SPRED2: variants seen among roughly 807,000 people sequenced by gnomAD.
The protein encoded by SPRED2 is sprouty-related, EVH1 domain-containing protein 2.
Under a neutral mutation model 43.0 loss-of-function variants are expected in SPRED2, and 47 were observed. The ratio of observed to expected loss-of-function variants is 1.09; its 90% CI spans 0.87 to 1.40. The LOEUF (loss-of-function observed/expected upper bound fraction) is 1.40, where lower values mean the gene tolerates loss of function less well. Among genes scored for constraint, SPRED2 ranks in the 40% most tolerant of loss-of-function variants. The pLI, the probability that SPRED2 is intolerant of heterozygous loss-of-function variation, is 0.00. For synonymous variants in SPRED2, 225 were observed against 225.7 expected (o/e 1.00, Z 0.03); for missense variants, 561 against 586.4 (o/e 0.96, Z 0.45).
chr2:65,413,245 G>T (rs1041946728), intron 1 of SPRED2, among the ~76,000 whole-genome samples: 4 of 152,154 alleles, frequency 2.6e-5, no homozygotes, highest in African/African-American at 9.7e-5. Flanking sequence ...AGTGGTGCAG[G>T]CTCCATTAAG....
At chr2:65,318,121 T>G (rs886270251) in intron 4 of SPRED2, among the ~76,000 whole-genome samples, 10 of 152,066 alleles carry the variant, frequency 6.6e-5, no homozygotes, top group Admixed American at 6.5e-4. Context: ...AAGTCTCAGA[T>G]CTGATGGTTT....
chr2:65,353,162 A>C (rs1348770916), intron 1 of SPRED2, among the ~76,000 whole-genome samples: 1 of 152,120 alleles, frequency 6.6e-6, no homozygotes, highest in Non-Finnish European at 1.5e-5. Flanking sequence ...AGGGGGTATA[A>C]ATAGGTTTTC....
At chr2:65,332,435 G>C (rs1293560868) in intron 3 of SPRED2, 2 of 162,332 alleles carry the variant, frequency 1.2e-5, no homozygotes, top group African/African-American at 4.8e-5. Context: ...AAAAGCACTG[G>C]ACGGGGAACC....
chr2:65,308,405 G>A (rs1002003420), downstream of SPRED2: 7 of 985,460 alleles, frequency 7.1e-6, no homozygotes, highest in Non-Finnish European at 8.4e-6. Context: ...CATACCTGGA[G>A]GGGTCAGCAA....
In SPRED2 at chr2:65,427,686, G is replaced by A. The variant is rs576294818; in HGVS notation, c.26+4276C>T. Among the ~76,000 whole-genome samples the A allele has an allele frequency of 5.3e-5, 8 of 152,328 alleles. 1 individual carries two copies. The highest frequency in any genetic ancestry group is 1.9e-4 in the African/African-American group (8 of 41,562). ...CCCCTCATGCTTCACAGCATTTTCT[G>A]GGAAGATAAGTGAAGTGAGAAAAAT... is the stretch of plus-strand genomic sequence containing the variant. On this transcript the variant is annotated intron_variant, in intron 1 of 5. Coordinates refer to ENST00000356388, the MANE Select transcript of SPRED2 (RefSeq NM_181784.3).
intron 2 of SPRED2, among the ~76,000 whole-genome samples, chr2:65,343,232 G>A (rs903629430): frequency 2.6e-5 from 4 of 152,124 alleles, no homozygotes; most frequent in African/African-American, 9.7e-5. Flanking sequence ...TAGTTACATT[G>A]CTTTTTATTG....
At chr2:65,340,007 G>A (rs1346588288) in intron 2 of SPRED2, among the ~76,000 whole-genome samples, 2 of 152,084 alleles carry the variant, frequency 1.3e-5, no homozygotes, top group African/African-American at 4.8e-5. Flanking sequence ...GCTATTTTCT[G>A]GTAAGCCAGA....
In SPRED2 at chr2:65,344,835, A is replaced by T; in HGVS notation, c.88T>A (p.Trp30Arg). ...VMTRDDSSGG[W>R]FPQEGGGISR... The stretch of plus-strand genomic sequence containing the variant: ...ATCCCGCCTCCTTCCTGTGGGAACC[A>T]TCCCCCGCTGGAGTCATCTCTGGTC... Residue 30 changes from tryptophan (W) to arginine (R), a missense_variant, in exon 2 of 6, where the codon TGG becomes AGG. Coordinates refer to ENST00000356388, the MANE Select transcript of SPRED2 (RefSeq NM_181784.3). 6.2e-7 allele frequency: 1 copy of T among 1,614,164 alleles called. No homozygotes were observed. The highest frequency in any genetic ancestry group is 8.5e-7 in the Non-Finnish European group (1 of 1,180,028).
At chr2:65,336,258 G>A (rs1673963826) in intron 2 of SPRED2, among the ~76,000 whole-genome samples, 1 of 152,114 alleles carries the variant, frequency 6.6e-6, no homozygotes, top group Admixed American at 6.6e-5. Context: ...AGGAGATTGA[G>A]GTGGGAGGAA....
intron 1 of SPRED2, among the ~76,000 whole-genome samples, chr2:65,389,009 T>C (rs1021899325): frequency 6.6e-6 from 1 of 152,188 alleles, no homozygotes; most frequent in Non-Finnish European, 1.5e-5. Flanking sequence ...ACAGAGATTC[T>C]GTACTGGGAG....
chr2:65,325,531 G>T (rs1558651480), intron 4 of SPRED2, among the ~76,000 whole-genome samples: 1 of 152,206 alleles, frequency 6.6e-6, no homozygotes, highest in Non-Finnish European at 1.5e-5. Context: ...TGAACTAGAT[G>T]ATTTCCAAGG....
chr2:65,401,208 T>A (rs1342865688), intron 1 of SPRED2, among the ~76,000 whole-genome samples: 1 of 151,542 alleles, frequency 6.6e-6, no homozygotes, highest in Non-Finnish European at 1.5e-5. Context: ...ACTCCTGACC[T>A]CAAGTGATCC....
At chr2:65,366,571 G>A (rs960415125) in intron 1 of SPRED2, 1 of 1,551,350 alleles carries the variant, frequency 6.4e-7, no homozygotes, top group Admixed American at 2.0e-5. Context: ...TAAAGTTCAT[G>A]TAAACAGTAA....
At chr2:65,308,190 G>T, downstream of SPRED2, 1 of 573,772 alleles carries the variant, frequency 1.7e-6, no homozygotes, top group Non-Finnish European at 2.2e-6. Flanking sequence ...CGACCCCAAA[G>T]GCCAGAGAAG....
chr2:65,363,914 T>C (rs1033949698), intron 1 of SPRED2, among the ~76,000 whole-genome samples: 2 of 152,220 alleles, frequency 1.3e-5, no homozygotes, highest in Non-Finnish European at 2.9e-5. Flanking sequence ...GGAAAAATTG[T>C]TCCACTAAAA....
At chr2:65,379,847 G>A (rs1191365135) in intron 1 of SPRED2, among the ~76,000 whole-genome samples, 1 of 152,188 alleles carries the variant, frequency 6.6e-6, no homozygotes, top group African/African-American at 2.4e-5. Context: ...TACAAAGGTT[G>A]CTTGGTCACA....
At chr2:65,394,262 T>C (rs985354107) in intron 1 of SPRED2, among the ~76,000 whole-genome samples, 4 of 152,206 alleles carry the variant, frequency 2.6e-5, no homozygotes, top group Non-Finnish European at 5.9e-5. Context: ...TCATTTGGTT[T>C]AGGAAGATGA....
rs199669699 is a variant in SPRED2 at position 65,314,174 on chromosome 2, C to G, written c.589-5G>C. 2 of 1,574,972 alleles carry G rather than the reference C, an allele frequency of 1.3e-6. No homozygotes were observed. The highest frequency in any genetic ancestry group is 4.5e-5 in the East Asian group (2 of 44,160). ...GCGGTAGGGCCTTGGCATCGGCTGT[C>G]CCGTAGGAGAGGAGACATTATTTTA... On this transcript the variant is annotated splice_region_variant and splice_polypyrimidine_tract_variant and intron_variant, in intron 5 of 5. Coordinates refer to ENST00000356388, the MANE Select transcript of SPRED2 (RefSeq NM_181784.3).
intron 1 of SPRED2, among the ~76,000 whole-genome samples, chr2:65,412,406 G>GCACGCCAGC (rs1676182888): frequency 6.6e-6 from 1 of 152,144 alleles, no homozygotes; most frequent in South Asian, 2.1e-4. Context: ...GACAAGAATT[G>GCACGCCAGC]CACGCCAGAT....
Sources: gnomAD v4.1 joint callset for allele counts (sites outside exome capture counted in the v4.1 genomes callset) on GRCh38, gnomAD v4.1.1 for gene constraint, MANE v1.5 for transcripts, NCBI Gene and HGNC (gene_info 2026-07-23, HGNC 2026-07-21) for gene names.